LEPROTL1: variants seen among roughly 807,000 people sequenced by gnomAD.
The protein encoded by LEPROTL1 is leptin receptor overlapping transcript like 1.
In LEPROTL1, 6 loss-of-function variants were observed where a neutral mutation model predicts 15.4. The ratio of observed to expected loss-of-function variants is 0.39; its 90% CI spans 0.21 to 0.77. The LOEUF (loss-of-function observed/expected upper bound fraction) is 0.77, where lower values mean the gene tolerates loss of function less well. Ranked by LOEUF, LEPROTL1 falls within the 30% of genes least tolerant of loss-of-function variation. The probability of loss-of-function intolerance (pLI) is 0.41; values close to 1 mark genes in which losing one functional copy is unlikely to be tolerated. For synonymous variants in LEPROTL1, 56 were observed against 52.6 expected, an observed-to-expected ratio of 1.06 and a Z score of -0.28; for missense variants, 128 against 158.1, an observed-to-expected ratio of 0.81 and a Z score of 1.02.
At chr8:30,120,338 T>C (rs541180683) in intron 3 of LEPROTL1, among the ~76,000 whole-genome samples, 1 of 151,824 alleles carries the variant, frequency 6.6e-6, no homozygotes, top group African/African-American at 2.4e-5. Context: ...TGGGGAGAAA[T>C]AGAAGAATAA....
At position 30,108,493 on chromosome 8, in the gene LEPROTL1, G is replaced by C. The variant is rs1289666697; in HGVS notation, c.*2631G>C. ...AAAAAATATTTCTGTTTGGTACACT[G>C]TGAAGAGAGAAAAGTACTGTTCTGT... On this transcript the variant is annotated 3_prime_UTR_variant, in exon 4 of 4. Coordinates refer to ENST00000321250, the MANE Select transcript of LEPROTL1 (RefSeq NM_015344.3). 1 of 152,132 alleles carries C rather than the reference G, an allele frequency of 6.6e-6. No homozygotes were observed. Among genetic ancestry groups the C allele is most frequent in the Non-Finnish European group, 1.5e-5 (1 of 68,028 alleles). The allele number at this position is 152,132 out of a possible 1,614,324, so 9.4% of individuals were successfully genotyped here.
At chr8:30,122,627 C>A (rs1802846309) in intron 3 of LEPROTL1, among the ~76,000 whole-genome samples, 1 of 152,124 alleles carries the variant, frequency 6.6e-6, no homozygotes, top group African/African-American at 2.4e-5. Context: ...TCCGTCTCTA[C>A]TTAAAATACA....
At position 30,106,030 on chromosome 8, in the gene LEPROTL1, G is replaced by A. The variant is rs1182789179; in HGVS notation, c.*168G>A. The A allele has an allele frequency of 1.6e-5, 19 of 1,192,600 alleles. No individual in the cohort carries two copies. The highest frequency in any genetic ancestry group is 2.0e-5 in the Non-Finnish European group (19 of 955,128). 73.9% of individuals were successfully genotyped at this position (1,192,600 alleles called of 1,614,324 possible). The stretch of plus-strand genomic sequence containing the variant: ...AAGCATACTATTTTCACAGAGACTT[G>A]CTGAAGGATTAAAAGGATTTTCTCT... On this transcript the variant is annotated 3_prime_UTR_variant, in exon 4 of 4. Coordinates refer to ENST00000321250, the MANE Select transcript of LEPROTL1 (RefSeq NM_015344.3).
rs987892460 is a variant in LEPROTL1 at position 30,107,720 on chromosome 8, T to C, written c.*1858T>C. 1 of 983,380 alleles carries C rather than the reference T, an allele frequency of 1.0e-6. No homozygotes were observed. The highest frequency in any genetic ancestry group is 1.8e-5 in the African/African-American group (1 of 56,790). The allele number at this position is 983,380 out of a possible 1,614,324, so 60.9% of individuals were successfully genotyped here. A position where few individuals can be genotyped will look rare whatever the true frequency, so the allele number is the denominator to read the frequency against. The stretch of plus-strand genomic sequence containing the variant: ...ATGAGTTAGAGAGCTGGTGAGACAG[T>C]TGGGAACTCTTTGTGCTTGTGATCT... On this transcript the variant is annotated 3_prime_UTR_variant, in exon 4 of 4. Transcript: ENST00000321250.
At chr8:30,109,719 A>G (rs1301004186), downstream of LEPROTL1, among the ~76,000 whole-genome samples, 7 of 152,164 alleles carry the variant, frequency 4.6e-5, no homozygotes, top group African/African-American at 1.7e-4. Flanking sequence ...TCAAGAAAAA[A>G]ATAAGGCAAC....
intron 4 of LEPROTL1, among the ~76,000 whole-genome samples, chr8:30,134,695 A>C (rs891546863): frequency 6.6e-6 from 1 of 151,148 alleles, no homozygotes; most frequent in African/African-American, 2.4e-5. Context: ...TTACAGGTGC[A>C]CGCCACCACG....
chr8:30,104,641 A>T (rs939095542), intron 3 of LEPROTL1, 155 bp downstream of exon 3: 9 of 463,458 alleles, frequency 1.9e-5, no homozygotes, highest in African/African-American at 1.6e-4. Context: ...GTTCTTGTTA[A>T]CTAATAAAAG....
chr8:30,117,516 TC>T, intron 3 of LEPROTL1: 1 of 1,374,144 alleles, frequency 7.3e-7, no homozygotes, highest in African/African-American at 1.4e-5. Flanking sequence ...CTGCCATTTT[TC>T]CAGATCTTTG....
intron 3 of LEPROTL1, among the ~76,000 whole-genome samples, chr8:30,120,127 A>T (rs1381398612): frequency 6.6e-6 from 1 of 152,142 alleles, no homozygotes; most frequent in African/African-American, 2.4e-5. Flanking sequence ...AAGGCTGCAC[A>T]TTAAACTACC....
intron 3 of LEPROTL1, chr8:30,104,714 CTTT>C (rs376796010): frequency 3.0e-3 from 593 of 199,964 alleles, no homozygotes; most frequent in South Asian, 4.1e-3. Context: ...TTTTTTTTTT[CTTT>C]TTTTTTTTTT....
At chr8:30,124,842 G>A (rs1354647991) in intron 3 of LEPROTL1, among the ~76,000 whole-genome samples, 1 of 152,168 alleles carries the variant, frequency 6.6e-6, no homozygotes, top group East Asian at 1.9e-4. Context: ...ATTACCATGA[G>A]TGTCATCCAT....
At position 30,095,526 on chromosome 8, in the gene LEPROTL1, A is replaced by G; in HGVS notation, c.14A>G (p.Lys5Arg). 1 of 1,448,380 alleles carries G rather than the reference A, an allele frequency of 6.9e-7. No homozygotes were observed. The highest frequency in any genetic ancestry group is 1.5e-5 in the African/African-American group (1 of 67,492). 89.7% of individuals were successfully genotyped at this position (1,448,380 alleles called of 1,614,324 possible). Residue 5 changes from lysine to arginine, a missense_variant and splice_region_variant, in exon 1 of 4, where the codon AAA (lysine) becomes AGA (arginine). Lys to Arg is a conservative substitution (Grantham distance 26). Coordinates refer to ENST00000321250, the MANE Select transcript of LEPROTL1 (RefSeq NM_015344.3). ...GACGTCACCGCCATGGCAGGCATCA[A>G]AGGTGGGCCTGGGTTGCAGGACGCG... MAGI[K>R]ALISLSFGGA...
Position 30,107,053 on chromosome 8 carries a change from C to G in LEPROTL1, c.*1191C>G. On this transcript the variant is annotated 3_prime_UTR_variant, in exon 4 of 4. Coordinates refer to ENST00000321250, the MANE Select transcript of LEPROTL1 (RefSeq NM_015344.3). The stretch of plus-strand genomic sequence containing the variant: ...GATTTAGACCATGGTAATAGTAGTT[C>G]TTATTCTCTAAGGTTATATCATATG... 1 of 973,736 alleles carries G rather than the reference C, an allele frequency of 1.0e-6. No homozygotes were observed. The highest frequency in any genetic ancestry group is 1.2e-6 in the Non-Finnish European group (1 of 819,376). The allele number at this position is 973,736 out of a possible 1,614,324, so 60.3% of individuals were successfully genotyped here. A position where few individuals can be genotyped will look rare whatever the true frequency, so the allele number is the denominator to read the frequency against.
intron 3 of LEPROTL1, among the ~76,000 whole-genome samples, chr8:30,125,149 A>G (rs1269631582): frequency 6.6e-6 from 1 of 152,236 alleles, no homozygotes; most frequent in African/African-American, 2.4e-5. Context: ...GTTTCTGAAG[A>G]AAAAGGTGCA....
chr8:30,129,977 G>A (rs1020450127), intron 3 of LEPROTL1, among the ~76,000 whole-genome samples: 2 of 152,092 alleles, frequency 1.3e-5, no homozygotes, highest in African/African-American at 2.4e-5. Flanking sequence ...TCATGTGAAA[G>A]CTCACTCACT....
downstream of LEPROTL1, among the ~76,000 whole-genome samples, chr8:30,112,519 C>G (rs1313585914): frequency 1.3e-5 from 2 of 149,786 alleles, no homozygotes; most frequent in African/African-American, 4.9e-5. Flanking sequence ...CTCGGCCTCC[C>G]AGAGTGCTGG....
chr8:30,112,203 C>G (rs193084626), downstream of LEPROTL1, among the ~76,000 whole-genome samples: 51 of 152,182 alleles, frequency 3.4e-4, no homozygotes, highest in Non-Finnish European at 6.3e-4. Flanking sequence ...AAACAAAACA[C>G]TATTCAGAGT....
chr8:30,095,468 G>A lies in LEPROTL1; in HGVS notation c.-45G>A. ...CTTGGGTCTCCCGGCTGCCGCTGCT[G>A]CCGCCGCCGCCTCGGGTCGTGGAGC... On this transcript the variant is annotated 5_prime_UTR_variant, in exon 1 of 4. Transcript: ENST00000321250. 4 of 1,462,502 alleles carry A rather than the reference G, an allele frequency of 2.7e-6. No homozygotes were observed. The highest frequency in any genetic ancestry group is 1.5e-5 in the African/African-American group (1 of 68,144). 90.6% of individuals were successfully genotyped at this position (1,462,502 alleles called of 1,614,324 possible).
At chr8:30,096,272 CTTTTAAAAAAAGGAATGT>C (rs1196716581) in intron 1 of LEPROTL1, 7 of 970,870 alleles carry the variant, frequency 7.2e-6, no homozygotes, top group African/African-American at 1.8e-5. Flanking sequence ...CATGTATTTT[CTTTTAAAAAAAGGAATGT>C]TGCATTTGTT....
Sources: allele counts gnomAD v4.1 joint callset (sites outside exome capture counted in the v4.1 genomes callset), GRCh38; gene constraint gnomAD v4.1.1; transcripts MANE v1.5; gene names NCBI Gene and HGNC (gene_info 2026-07-23, HGNC 2026-07-21).